The following PLEKHG5 variants were observed in gnomAD, a reference collection of about 807,000 sequenced individuals.
PLEKHG5 encodes pleckstrin homology domain-containing family G member 5.
PLEKHG5 carries 52 observed loss-of-function variants against 103.8 expected under a neutral mutation model. The ratio of observed to expected loss-of-function variants is 0.50; its 90% confidence interval spans 0.40 to 0.63. The LOEUF (loss-of-function observed/expected upper bound fraction) is 0.63, where lower values mean the gene tolerates loss of function less well. Among genes scored for constraint, PLEKHG5 ranks in the 30% least tolerant of loss-of-function variants. PLEKHG5 has a pLI of 0.00. For synonymous variants in PLEKHG5, 592 were observed against 575.5 expected (o/e 1.03, Z -0.41); for missense variants, 1,205 against 1,347.6 (o/e 0.89, Z 1.66).
In PLEKHG5 at chr1:6,469,584, C is replaced by T. The variant is rs2148579764; in HGVS notation, c.1893G>A (p.Leu631=). Residue 631 remains leucine, a synonymous_variant, in exon 17 of 21, where the codon CTG becomes CTA. Coordinates refer to ENST00000377728, the MANE Select transcript of PLEKHG5 (RefSeq NM_020631.6). ...AERTRVIRPP[L]LVDKIVCREL... is the part of the protein sequence containing the mutation. The stretch of plus-strand genomic sequence containing the variant: ...CCCGGCACACAATCTTGTCCACGAG[C>T]AGGGGTGGCCTGATGACCCTGGTCC... 1 of 1,613,916 alleles carries T rather than the reference C, an allele frequency of 6.2e-7. No homozygotes were observed. The highest frequency in any genetic ancestry group is 8.5e-7 in the Non-Finnish European group (1 of 1,180,046).
chr1:6,475,454 C>G lies in PLEKHG5; in HGVS notation c.210+8G>C. ...ACCCGCATCTGCCGGCTCTGGGGGG[C>G]TCCTCACATCCGTGTGTCTCCTCCT... On this transcript the variant is annotated splice_region_variant and intron_variant, in intron 4 of 20. Transcript: ENST00000377728. 6.2e-7 allele frequency: 1 copy of G among 1,612,654 alleles called. No homozygotes were observed.
upstream of PLEKHG5, chr1:6,497,269 C>A: frequency 1.1e-6 from 1 of 910,840 alleles, no homozygotes; most frequent in Non-Finnish European, 1.7e-6. The surrounding 1 kb of genome is among the most constrained non-coding windows in gnomAD (Gnocchi z 6.1). Context: ...GGAGCCGGCC[C>A]GGCCCCCCAG....
intron 1 of PLEKHG5, among the ~76,000 whole-genome samples, chr1:6,485,135 C>T (rs987475172): frequency 6.6e-6 from 1 of 152,174 alleles, no homozygotes; most frequent in Non-Finnish European, 1.5e-5. Context: ...CCCCGGAGTC[C>T]GAGGTCCCCG....
At chr1:6,475,288 C>T (rs912461976) in intron 4 of PLEKHG5, 150 bp from the exon 5 acceptor site, 2 of 660,174 alleles carry the variant, frequency 3.0e-6, no homozygotes, top group Non-Finnish European at 2.7e-6. Context: ...CCACCCTCCC[C>T]ACCCTCCGGT....
chr1:6,472,531 A>G lies in PLEKHG5; in HGVS notation c.1076T>C (p.Ile359Thr). 1 of 1,610,038 alleles carries G rather than the reference A, an allele frequency of 6.2e-7. No homozygotes were observed. ...ACCAGCGCAGCCCCTACTCACGTTG[A>G]TGATCACCCGCAGTTTCCTGATGTA... Reference protein sequence around the residue: ...ASYIRKLRVIINLFLCCLLNL... With the variant: ...ASYIRKLRVITNLFLCCLLNL... The change falls in exon 10 of 21, where the codon ATC (isoleucine) becomes ACC (threonine). Residue 359 changes from isoleucine to threonine, a missense_variant. Coordinates refer to ENST00000377728, the MANE Select transcript of PLEKHG5 (RefSeq NM_020631.6).
chr1:6,518,032 A>C (rs1638672569), intron 1 of PLEKHG5, among the ~76,000 whole-genome samples: 1 of 151,912 alleles, frequency 6.6e-6, no homozygotes, highest in Non-Finnish European at 1.5e-5. Flanking sequence ...TCCCAGGTTC[A>C]CACCATTCTC....
chr1:6,482,688 A>T (rs940402132), intron 1 of PLEKHG5, among the ~76,000 whole-genome samples: 2 of 152,116 alleles, frequency 1.3e-5, no homozygotes, highest in African/African-American at 4.8e-5. Flanking sequence ...TGGATCCCAG[A>T]TTATTATTTA....
At position 6,473,309 on chromosome 1, in the gene PLEKHG5, G is replaced by T. The variant is rs1349934211; in HGVS notation, c.737C>A (p.Ala246Glu). 2 of 1,577,290 alleles carry T rather than the reference G, an allele frequency of 1.3e-6. No individual in the cohort carries two copies. Among genetic ancestry groups the T allele is most frequent in the Non-Finnish European group, 1.7e-6 (2 of 1,162,460 alleles). ...TNTGDSWKNR[A>E]ASRFSGFFSS... ...GAAAAAGCCGCTGAAGCGACTGGCC[G>T]CCCGGTTCTTCCAGCTGTCGCCAGT... The change falls in exon 8 of 21, where the codon GCG becomes GAG. Residue 246 changes from alanine (A) to glutamate (E), a missense_variant. Transcript: ENST00000377728.
Position 6,471,753 on chromosome 1 carries a change from C to T in PLEKHG5, c.1131+5G>A. ...ACCCGCCGCCGCCCCCGAATCCCAG[C>T]GCACCTCACACAGCAGCCCTGACTC... On this transcript the variant is annotated splice_donor_5th_base_variant and intron_variant, in intron 11 of 20. Coordinates refer to ENST00000377728, the MANE Select transcript of PLEKHG5 (RefSeq NM_020631.6). The T allele has an allele frequency of 6.2e-7, 1 of 1,609,302 alleles. No homozygotes were observed.
In PLEKHG5 at chr1:6,473,174, C is replaced by G. The variant is rs746581908; in HGVS notation, c.796G>C (p.Glu266Gln). ...TCCAGCTGCTCCATCTTGTCTACCT[C>G]CTGGAAAGATACCCTGGTCAGGGTC... Reference protein sequence around the residue: ...SGPSTSAFGREVDKMEQLEGK... With the variant: ...SGPSTSAFGRQVDKMEQLEGK... Residue 266 changes from glutamate to glutamine, a missense_variant and splice_region_variant, in exon 9 of 21, where the codon GAG (glutamate) becomes CAG (glutamine). Transcript: ENST00000377728. 15 of 1,613,810 alleles carry G rather than the reference C, an allele frequency of 9.3e-6. No homozygotes were observed. The East Asian group carries it at 3.3e-4, about 36-fold the overall frequency.
Position 6,471,776 on chromosome 1 carries a change from C to A in PLEKHG5, c.1113G>T (p.Glu371Asp), listed in dbSNP as rs749340819. Reference sequence around the variant, plus strand: ...AGCGCACCTCACACAGCAGCCCTGACTCTTGCAGGTTCAGGAGGCAGCACA... The same window carrying A: ...AGCGCACCTCACACAGCAGCCCTGAATCTTGCAGGTTCAGGAGGCAGCACA... ...LFLCCLLNLQESGLLCEVEAE... is the reference protein window; with the variant it reads ...LFLCCLLNLQDSGLLCEVEAE... The change falls in exon 11 of 21, where the codon GAG (glutamate) becomes GAT (aspartate). Residue 371 changes from glutamate (E) to aspartate (D), a missense_variant. Transcript: ENST00000377728. 7 of 1,610,524 alleles carry A rather than the reference C, an allele frequency of 4.3e-6. No individual in the cohort carries two copies. The South Asian group carries it at 7.8e-5, about 18-fold the overall frequency.
rs1200389257 is a variant in PLEKHG5, at chr1:6,491,086, GC to G, written c.-88+550del. ...CCAGAAACAGCCCGCTTTTCTCTGGGCCCCCTCTTTTTTTTTTTTCTGGCCC... is the reference window on the plus strand; with the variant it reads ...CCAGAAACAGCCCGCTTTTCTCTGGGCCCCTCTTTTTTTTTTTTCTGGCCC... On this transcript the variant is annotated intron_variant, in intron 1 of 20. Coordinates refer to ENST00000377728, the MANE Select transcript of PLEKHG5 (RefSeq NM_020631.6). This position sits in a 1 kb window ranked among gnomAD's most constrained non-coding sequence, Gnocchi z 4.1. 6.6e-6 allele frequency among the ~76,000 whole-genome samples: 1 copy of G among 151,702 alleles called. No homozygotes were observed. The highest frequency in any genetic ancestry group is 2.4e-5 in the African/African-American group (1 of 41,282).
Position 6,473,371 on chromosome 1 carries a change from G to C in PLEKHG5, c.675C>G (p.Ser225Arg), listed in dbSNP as rs1250935199. The part of the protein sequence containing the change: ...IPGQEPPTPS[S>R]CSLPSGSSGS... ...CACTGCTGCCGCTGGGCAGAGAGCA[G>C]CTGGAGGGCGTGGGGGGCTCCTGCC... The change falls in exon 8 of 21, where the codon AGC becomes AGG. Residue 225 changes from serine (S) to arginine (R), a missense_variant. Physicochemically the swap from Ser to Arg is moderately radical, Grantham distance 110. Coordinates refer to ENST00000377728, the MANE Select transcript of PLEKHG5 (RefSeq NM_020631.6). 1.3e-6 allele frequency: 2 copies of C among 1,549,446 alleles called. No homozygotes were observed. The highest frequency in any genetic ancestry group is 2.7e-5 in the African/African-American group (2 of 73,096).
chr1:6,504,874 C>T lies in PLEKHG5; in HGVS notation c.-164-8305G>A, dbSNP rs541862868. 2.6e-5 allele frequency among the ~76,000 whole-genome samples: 4 copies of T among 152,262 alleles called. No individual in the cohort carries two copies. In the East Asian group the frequency reaches 7.7e-4, roughly 29 times the overall value. On this transcript the variant is annotated intron_variant, in intron 1 of 21. Coordinates refer to the PLEKHG5 transcript ENST00000377740. ...ATGAGCCACCGTGCCCAGCCTACACCTCCCTTTTCAAAACCCTTCGCTGTA... is the reference window on the plus strand; with the variant it reads ...ATGAGCCACCGTGCCCAGCCTACACTTCCCTTTTCAAAACCCTTCGCTGTA...
At chr1:6,515,792 AC>A (rs1638595901) in intron 1 of PLEKHG5, among the ~76,000 whole-genome samples, 1 of 152,094 alleles carries the variant, frequency 6.6e-6, no homozygotes, top group African/African-American at 2.4e-5. Flanking sequence ...TGGAGGCATG[AC>A]CCCAGAGTCC....
intron 1 of PLEKHG5, among the ~76,000 whole-genome samples, chr1:6,516,612 A>G (rs1270914778): frequency 2.0e-5 from 3 of 151,432 alleles, no homozygotes; most frequent in African/African-American, 4.9e-5. Context: ...AGCCGAGATC[A>G]CACCACTGCA....
chr1:6,509,947 GCCCACTGTGGCCT>G (rs1638430428), intron 1 of PLEKHG5, among the ~76,000 whole-genome samples: 1 of 152,178 alleles, frequency 6.6e-6, no homozygotes, highest in Non-Finnish European at 1.5e-5. Context: ...CCCAGGCAAG[GCCCACTGTGGCCT>G]CTTGTGGACC....
chr1:6,469,455 T>A lies in PLEKHG5; in HGVS notation c.1934-5A>T. 1 of 1,613,724 alleles carries A rather than the reference T, an allele frequency of 6.2e-7. No homozygotes were observed. Among genetic ancestry groups the A allele is most frequent in the African/African-American group, 1.3e-5 (1 of 75,050 alleles). On this transcript the variant is annotated splice_region_variant and splice_polypyrimidine_tract_variant and intron_variant, in intron 17 of 20. Coordinates refer to ENST00000377728, the MANE Select transcript of PLEKHG5 (RefSeq NM_020631.6). ...GGTAGATAAGGAGGAAGGACCCTGGTTAGGGAAGGCCCAAGTCAGTGTCAG... is the reference window on the plus strand; with the variant it reads ...GGTAGATAAGGAGGAAGGACCCTGGATAGGGAAGGCCCAAGTCAGTGTCAG...
chr1:6,508,800 C>G (rs1638399242), intron 1 of PLEKHG5, among the ~76,000 whole-genome samples: 1 of 152,242 alleles, frequency 6.6e-6, no homozygotes, highest in Non-Finnish European at 1.5e-5. Context: ...ATCCACACTT[C>G]ATCCCCAATA....
Sources: allele counts gnomAD v4.1 joint callset (sites outside exome capture counted in the v4.1 genomes callset), GRCh38; gene constraint gnomAD v4.1.1; non-coding constraint Gnocchi (gnomAD v3.1); transcripts MANE v1.5; gene names NCBI Gene and HGNC (gene_info 2026-07-23, HGNC 2026-07-21).